IL1RAPL1: variants seen among roughly 807,000 people sequenced by gnomAD.
IL1RAPL1 encodes the protein interleukin 1 receptor accessory protein like 1.
A neutral mutation model predicts 48.4 loss-of-function variants in IL1RAPL1; 3 were observed. The observed-to-expected ratio is 0.06, with a 90% CI of 0.03 to 0.16. The LOEUF (loss-of-function observed/expected upper bound fraction) is 0.16. IL1RAPL1 is among the 10% of genes least tolerant of loss of function. The pLI, the probability that IL1RAPL1 is intolerant of heterozygous loss-of-function variation, is 1.00. For synonymous variants in IL1RAPL1, 185 were observed against 187.7 expected (o/e 0.99, Z 0.12); for missense variants, 349 against 530.6 (o/e 0.66, Z 3.36).
intron 5 of IL1RAPL1, among the ~76,000 whole-genome samples, chrX:29,416,159 G>T (rs1173310778): frequency 9.0e-6 from 1 of 111,656 alleles, no homozygotes; most frequent in African/African-American, 3.3e-5. Context: ...TGAGAACTTA[G>T]GTAGAAATGT....
chrX:29,053,334 A>T, intron 2 of IL1RAPL1, among the ~76,000 whole-genome samples: 1 of 111,913 alleles, frequency 8.9e-6, no homozygotes, highest in Non-Finnish European at 1.9e-5. Context: ...TGCTGCAGTG[A>T]ACATACACAT....
intron 5 of IL1RAPL1, among the ~76,000 whole-genome samples, chrX:29,405,201 C>T (rs5928961): frequency 0.35 from 37,661 of 107,683 alleles, 5,833 homozygotes; most frequent in Middle Eastern, 0.53. Context: ...CGTGAGCTAC[C>T]GCGCCCAGTC....
chrX:28,659,538 T>TG (rs1934792135), intron 1 of IL1RAPL1: 1 of 429,836 alleles, frequency 2.3e-6, no homozygotes, highest in African/African-American at 2.5e-5. Flanking sequence ...GAGGCGGCGC[T>TG]GGCTAGAGGC....
At chrX:29,204,492 A>G in intron 2 of IL1RAPL1, among the ~76,000 whole-genome samples, 1 of 111,256 alleles carries the variant, frequency 9.0e-6, no homozygotes, top group Non-Finnish European at 1.9e-5. Context: ...TTTTTTCCAT[A>G]TACCTGTTGG....
intron 8 of IL1RAPL1, among the ~76,000 whole-genome samples, chrX:29,922,274 A>T (rs1166091828): frequency 2.7e-5 from 3 of 111,687 alleles, no homozygotes; most frequent in Non-Finnish European, 5.7e-5. Flanking sequence ...ATTATTTGAA[A>T]TTTTTTCCAG....
At position 28,709,032 on chromosome X, in the gene IL1RAPL1, A is replaced by G. The variant is rs1466402795; in HGVS notation, c.-24-80288A>G. On this transcript the variant is annotated intron_variant, in intron 1 of 10. Coordinates refer to ENST00000378993, the MANE Select transcript of IL1RAPL1 (RefSeq NM_014271.4). ...TACATTTGTGCAAAAAAAGTCCTTA[A>G]GGCAAGACTAAAAAATAAAGACAGT... Among the ~76,000 whole-genome samples, 3 of 112,235 alleles carry G rather than the reference A, an allele frequency of 2.7e-5. No homozygotes were observed. The East Asian group carries it at 8.4e-4, about 31-fold the overall frequency.
chrX:28,737,158 CT>C (rs1569161795), intron 1 of IL1RAPL1, among the ~76,000 whole-genome samples: 1 of 29,836 alleles, frequency 3.4e-5, no homozygotes, highest in African/African-American at 1.1e-4. Context: ...TCCTTCCTTC[CT>C]TCCTTCCTTC....
intron 6 of IL1RAPL1, among the ~76,000 whole-genome samples, chrX:29,721,434 C>G (rs1288702718): frequency 9.0e-6 from 1 of 111,514 alleles, no homozygotes; most frequent in African/African-American, 3.3e-5. Flanking sequence ...TGATGATATT[C>G]TGAGCCCTCT....
intron 1 of IL1RAPL1, among the ~76,000 whole-genome samples, chrX:28,741,846 G>T (rs1935910850): frequency 8.9e-6 from 1 of 111,886 alleles, no homozygotes; most frequent in African/African-American, 3.2e-5. Context: ...AAACTATTTT[G>T]CTCCAAATAC....
intron 6 of IL1RAPL1, among the ~76,000 whole-genome samples, chrX:29,782,555 A>G (rs1349009480): frequency 9.0e-6 from 1 of 111,195 alleles, no homozygotes; most frequent in Non-Finnish European, 1.9e-5. Flanking sequence ...TAAAAATATA[A>G]TCTTAATTAA....
At chrX:28,603,848 A>G (rs772987855) in intron 1 of IL1RAPL1, among the ~76,000 whole-genome samples, 1 of 112,689 alleles carries the variant, frequency 8.9e-6, no homozygotes, top group South Asian at 3.6e-4. Context: ...TTACTGGTAT[A>G]GTAAAGTTAG....
At chrX:29,322,203 CTTTT>C (rs1188565130) in intron 3 of IL1RAPL1, among the ~76,000 whole-genome samples, 3 of 108,846 alleles carry the variant, frequency 2.8e-5, no homozygotes, top group South Asian at 4.0e-4. Flanking sequence ...TTTTTTCTTT[CTTTT>C]TCTTTCTTTC....
intron 5 of IL1RAPL1, among the ~76,000 whole-genome samples, chrX:29,656,917 T>C: frequency 9.0e-6 from 1 of 110,498 alleles, no homozygotes; most frequent in Middle Eastern, 4.6e-3. Context: ...GATGAAAGAG[T>C]AGGTTACTCA....
At chrX:29,786,206 C>A (rs1292620000) in intron 6 of IL1RAPL1, among the ~76,000 whole-genome samples, 2 of 110,980 alleles carry the variant, frequency 1.8e-5, no homozygotes, top group Non-Finnish European at 3.8e-5. Context: ...AGATGAAGTA[C>A]CTGGCCTCAT....
At position 29,381,491 on chromosome X, in the gene IL1RAPL1, C is replaced by CAAAAA. The variant is rs548019465; in HGVS notation, c.363-14733_363-14729dup. 6.7e-3 allele frequency among the ~76,000 whole-genome samples: 43 copies of CAAAAA among 6,461 alleles called. 19 individuals carry two copies. The highest frequency in any genetic ancestry group is 0.011 in the Non-Finnish European group (38 of 3,400). 5.6% of individuals were successfully genotyped at this position (6,461 alleles called of 115,157 possible). ...GTAACATAGGGAGACCTCATCTCTA[C>CAAAAA]AAAAAAAAAAAAAAAAAAAAAAAAA... On this transcript the variant is annotated intron_variant, in intron 3 of 10. Transcript: ENST00000378993.
chrX:28,897,909 G>C (rs1026528848), intron 2 of IL1RAPL1, among the ~76,000 whole-genome samples: 3 of 111,193 alleles, frequency 2.7e-5, no homozygotes, highest in Non-Finnish European at 5.7e-5. Context: ...GGGCAGGAGT[G>C]GGGGTCAGAA....
intron 5 of IL1RAPL1, among the ~76,000 whole-genome samples, chrX:29,546,663 A>G (rs1041013624): frequency 9.0e-6 from 1 of 111,256 alleles, no homozygotes; most frequent in East Asian, 2.8e-4. Context: ...CATGTCATCC[A>G]TTGTTTTCTC....
chrX:28,730,270 T>G (rs1569160273), intron 1 of IL1RAPL1, among the ~76,000 whole-genome samples: 1 of 111,770 alleles, frequency 8.9e-6, no homozygotes, highest in Non-Finnish European at 1.9e-5. Flanking sequence ...AAAATTGAGA[T>G]GACCTGAATC....
At chrX:28,793,467 T>C (rs1462637898) in intron 2 of IL1RAPL1, among the ~76,000 whole-genome samples, 1 of 111,467 alleles carries the variant, frequency 9.0e-6, no homozygotes, top group Non-Finnish European at 1.9e-5. Context: ...ATTCCCACTG[T>C]GTCTTGGTAG....
Sources: allele counts gnomAD v4.1 joint callset (sites outside exome capture counted in the v4.1 genomes callset), GRCh38; gene constraint gnomAD v4.1.1; transcripts MANE v1.5; gene names NCBI Gene and HGNC (gene_info 2026-07-23, HGNC 2026-07-21).